Variants in MTDH observed in about 807,000 individuals in gnomAD.
The protein encoded by MTDH is metadherin, also known as protein LYRIC.
MTDH carries 34 observed loss-of-function variants against 72.7 expected under a neutral mutation model. That is an observed-to-expected ratio of 0.47 (90% CI 0.36 to 0.62). The LOEUF (loss-of-function observed/expected upper bound fraction) is 0.62. Among genes scored for constraint, MTDH ranks in the 20% least tolerant of loss-of-function variants. MTDH has a pLI of 0.00. For synonymous variants in MTDH, 266 were observed against 268.9 expected (o/e 0.99, Z 0.10); for missense variants, 677 against 699.4 (o/e 0.97, Z 0.36).
rs1688477597 is a variant in MTDH, at chr8:97,727,956, C to G, written c.*3286C>G. The G allele has an allele frequency of 6.6e-6, 1 of 151,964 alleles. No individual in the cohort carries two copies. Among genetic ancestry groups the G allele is most frequent in the Non-Finnish European group, 1.5e-5 (1 of 68,016 alleles). The allele number at this position is 151,964 out of a possible 1,614,324, so 9.4% of individuals were successfully genotyped here. ...ATGCATTTTATTGGGGAGGGGAGGT[C>G]AGAATAATTCACCCAAATCTAGTGG... On this transcript the variant is annotated 3_prime_UTR_variant, in exon 12 of 12. Transcript: ENST00000336273.
intron 9 of MTDH, among the ~76,000 whole-genome samples, chr8:97,715,114 C>T (rs1462075287): frequency 6.6e-6 from 1 of 151,780 alleles, no homozygotes; most frequent in African/African-American, 2.4e-5. Flanking sequence ...GCGTGAACCA[C>T]CACGCCCAGC....
At chr8:97,679,273 A>G (rs1184736671) in intron 2 of MTDH, among the ~76,000 whole-genome samples, 2 of 152,108 alleles carry the variant, frequency 1.3e-5, no homozygotes, top group African/African-American at 4.8e-5. Context: ...TAGTGAATTC[A>G]CTTGTTAAAA....
At chr8:97,695,671 G>A (rs1305915204) in intron 6 of MTDH, among the ~76,000 whole-genome samples, 1 of 152,154 alleles carries the variant, frequency 6.6e-6, no homozygotes. Flanking sequence ...TGAGAAAGTA[G>A]CATGGTATAG....
rs1368723947 is a variant in MTDH at position 97,727,509 on chromosome 8, TTC to T, written c.*2841_*2842del. 1.0e-5 allele frequency: 1 copy of T among 98,706 alleles called. No individual in the cohort carries two copies. The highest frequency in any genetic ancestry group is 4.3e-4 in the East Asian group (1 of 2,300). The allele number at this position is 98,706 out of a possible 1,614,324, so 6.1% of individuals were successfully genotyped here. A position where few individuals can be genotyped will look rare whatever the true frequency, so the allele number is the denominator to read the frequency against. On this transcript the variant is annotated 3_prime_UTR_variant, in exon 12 of 12. Coordinates refer to ENST00000336273, the MANE Select transcript of MTDH (RefSeq NM_178812.4). ...GACTCAATCTCAAAAAAAAAAAAGT[TTC>T]TGGCACCTGAACAGGAACTGGTTTC...
chr8:97,681,892 G>C (rs1170579618), intron 2 of MTDH, among the ~76,000 whole-genome samples: 1 of 151,952 alleles, frequency 6.6e-6, no homozygotes, highest in African/African-American at 2.4e-5. Context: ...TGTATACTCG[G>C]CTCCTAAAAC....
intron 1 of MTDH, among the ~76,000 whole-genome samples, chr8:97,653,711 A>AT: frequency 6.6e-6 from 1 of 152,290 alleles, no homozygotes; most frequent in Middle Eastern, 3.4e-3. Context: ...GTATTTTTAA[A>AT]TTATTATTCA....
At chr8:97,674,345 A>C (rs1435942925) in intron 2 of MTDH, among the ~76,000 whole-genome samples, 2 of 152,192 alleles carry the variant, frequency 1.3e-5, no homozygotes, top group Non-Finnish European at 2.9e-5. Flanking sequence ...TCAATTGCAG[A>C]CTTTTCTACT....
At chr8:97,691,915 T>C (rs1285337925) in intron 6 of MTDH, among the ~76,000 whole-genome samples, 1 of 152,172 alleles carries the variant, frequency 6.6e-6, no homozygotes, top group Non-Finnish European at 1.5e-5. Flanking sequence ...AGTCTTGCTC[T>C]GTCTCCCAGG....
At chr8:97,657,157 A>T (rs1812011109) in intron 1 of MTDH, among the ~76,000 whole-genome samples, 1 of 152,108 alleles carries the variant, frequency 6.6e-6, no homozygotes. Context: ...CATGCATTTT[A>T]AAAAAAGAAA....
chr8:97,650,710 G>T (rs1270756889), intron 1 of MTDH, among the ~76,000 whole-genome samples: 1 of 151,990 alleles, frequency 6.6e-6, no homozygotes, highest in Non-Finnish European at 1.5e-5. Flanking sequence ...TGGAAACTAT[G>T]GAATTGCCTT....
rs1180579089 is a variant in MTDH at position 97,729,127 on chromosome 8, A to G, written c.*4457A>G. On this transcript the variant is annotated 3_prime_UTR_variant, in exon 12 of 12. Transcript: ENST00000336273. ...TTTTGGTAGAGATGAGGTCATTGCT[A>G]TGTTGCCCAGGCTGGCCTTGAAGTC... is the stretch of plus-strand genomic sequence containing the variant. 7.0e-6 allele frequency among the ~76,000 whole-genome samples: 1 copy of G among 142,636 alleles called. No individual in the cohort carries two copies. Among genetic ancestry groups the G allele is most frequent in the African/African-American group, 2.6e-5 (1 of 37,840 alleles). The allele number at this position is 142,636 out of a possible 152,430, so 93.6% of individuals were successfully genotyped here. A position where few individuals can be genotyped will look rare whatever the true frequency, so the allele number is the denominator to read the frequency against.
At chr8:97,720,708 G>T (rs907272197) in intron 10 of MTDH, among the ~76,000 whole-genome samples, 1 of 145,902 alleles carries the variant, frequency 6.9e-6, no homozygotes, top group South Asian at 2.2e-4. Context: ...GTGCAGTGAC[G>T]CAATCCGCAA....
intron 2 of MTDH, among the ~76,000 whole-genome samples, chr8:97,663,068 C>T (rs1812237366): frequency 6.6e-6 from 1 of 151,918 alleles, no homozygotes; most frequent in African/African-American, 2.4e-5. Flanking sequence ...AGTTGATATG[C>T]CCAATATAGA....
intron 2 of MTDH, among the ~76,000 whole-genome samples, chr8:97,675,820 C>T (rs145889242): frequency 5.3e-5 from 8 of 151,688 alleles, no homozygotes; most frequent in African/African-American, 1.7e-4. Flanking sequence ...TGCAGTGAGC[C>T]GAGATCATGC....
At chr8:97,681,998 A>C (rs1230311089) in intron 2 of MTDH, among the ~76,000 whole-genome samples, 2 of 151,624 alleles carry the variant, frequency 1.3e-5, no homozygotes, top group Admixed American at 6.6e-5. Flanking sequence ...TCTGTGGTGG[A>C]GCCTGACAAC....
intron 1 of MTDH, among the ~76,000 whole-genome samples, chr8:97,650,101 C>T (rs773404807): frequency 5.9e-5 from 9 of 151,792 alleles, no homozygotes; most frequent in East Asian, 1.9e-4. Context: ...GGACTACAGG[C>T]GCCCACCACC....
At chr8:97,672,771 G>T (rs1812680680) in intron 2 of MTDH, among the ~76,000 whole-genome samples, 1 of 152,162 alleles carries the variant, frequency 6.6e-6, no homozygotes, top group South Asian at 2.1e-4. Flanking sequence ...TTATTAGTTT[G>T]TTGGGAATGT....
rs1317143196 is a variant in MTDH, at chr8:97,725,534, A to G, written c.*864A>G. On this transcript the variant is annotated 3_prime_UTR_variant, in exon 12 of 12. Transcript: ENST00000336273. Reference sequence around the variant, plus strand: ...TAGTTACTAATACTTTGTTGACTTTAAAAATGAAATCATTCACAAACTTTT... The same window carrying G: ...TAGTTACTAATACTTTGTTGACTTTGAAAATGAAATCATTCACAAACTTTT... The G allele has an allele frequency of 1.3e-5, 2 of 152,638 alleles. No homozygotes were observed. The highest frequency in any genetic ancestry group is 6.5e-5 in the Admixed American group (1 of 15,276). The allele number at this position is 152,638 out of a possible 1,614,324, so 9.5% of individuals were successfully genotyped here.
At chr8:97,664,968 C>A (rs968151985) in intron 2 of MTDH, among the ~76,000 whole-genome samples, 3 of 152,126 alleles carry the variant, frequency 2.0e-5, no homozygotes, top group African/African-American at 7.2e-5. Flanking sequence ...ACCACATTGA[C>A]CAAGGCTGGT....
Sources: gnomAD v4.1 joint callset for allele counts (sites outside exome capture counted in the v4.1 genomes callset) on GRCh38, gnomAD v4.1.1 for gene constraint, MANE v1.5 for transcripts, NCBI Gene and HGNC (gene_info 2026-07-23, HGNC 2026-07-21) for gene names.